Variants in COL6A3 observed in about 807,000 individuals in gnomAD.
The protein encoded by COL6A3 is collagen alpha-3(VI) chain.
A neutral mutation model predicts 274.1 loss-of-function variants in COL6A3; 137 were observed. The observed-to-expected ratio is 0.50, with a 90% confidence interval of 0.44 to 0.58. The LOEUF is 0.58. Ranked by LOEUF, COL6A3 falls within the 20% of genes least tolerant of loss-of-function variation. COL6A3 has a pLI of 0.00. For missense variants in COL6A3, 3,950 were observed against 4,124.9 expected, an observed-to-expected ratio of 0.96 and a Z score of 1.16; for synonymous variants, 1,650 against 1,650.6, an observed-to-expected ratio of 1.00 and a Z score of 0.01.
At position 237,368,273 on chromosome 2, in the gene COL6A3, T is replaced by G. The variant is rs1340659752; in HGVS notation, c.4900+290A>C. 1.3e-5 allele frequency among the ~76,000 whole-genome samples: 2 copies of G among 152,154 alleles called. No homozygotes were observed. The highest frequency in any genetic ancestry group is 2.9e-5 in the Non-Finnish European group (2 of 68,038). ...TTCAGTGGGGCATGGACTGGCTGATTTCAAAGATGCCATCCTATTCTGAGA... is the reference window on the plus strand; with the variant it reads ...TTCAGTGGGGCATGGACTGGCTGATGTCAAAGATGCCATCCTATTCTGAGA... On this transcript the variant is annotated intron_variant, in intron 10 of 43. Transcript: ENST00000295550. The surrounding 1 kb of genome is among the most constrained non-coding windows in gnomAD (Gnocchi z 4.4).
chr2:237,403,613 C>G (rs1296221527), intron 1 of COL6A3, among the ~76,000 whole-genome samples: 3 of 152,114 alleles, frequency 2.0e-5, no homozygotes, highest in African/African-American at 4.8e-5. Context: ...ATTGCAAAAG[C>G]TCAGCCCGAT....
chr2:237,343,983 G>A (rs568369861), intron 36 of COL6A3: 29 of 371,168 alleles, frequency 7.8e-5, no homozygotes, highest in African/African-American at 5.9e-4. Context: ...TGTGCACAGG[G>A]GGCCATCTTG....
intron 42 of COL6A3, 178 bp downstream of exon 42, chr2:237,333,272 C>T (rs1700357980): frequency 1.5e-6 from 1 of 667,930 alleles, no homozygotes; most frequent in African/African-American, 1.8e-5. Flanking sequence ...AAGTAAGACT[C>T]CATTTACACC....
Position 237,369,040 on chromosome 2 carries a change from C to A in COL6A3, c.4423G>T (p.Val1475Phe), listed in dbSNP as rs886042375. The A allele has an allele frequency of 1.2e-6, 2 of 1,614,230 alleles. No homozygotes were observed. The highest frequency in any genetic ancestry group is 2.2e-5 in the South Asian group (2 of 91,088). ...RLNIGPSKVRVGVVQFSNDVF... is the reference protein window; with the variant it reads ...RLNIGPSKVRFGVVQFSNDVF... ...TCATTGCTGAACTGCACGACCCCAA[C>A]TCTCACTTTACTGGGGCCGATGTTG... Residue 1475 changes from valine to phenylalanine, a missense_variant, in exon 10 of 44, where the codon GTT becomes TTT. By Grantham distance (50) the Val-to-Phe change is conservative (BLOSUM62 -1). Around this residue, in one of 5 missense-constraint regions of COL6A3, gnomAD observed 1,934 missense variants for 1,984.3 expected, o/e 0.97. Coordinates refer to ENST00000295550, the MANE Select transcript of COL6A3 (RefSeq NM_004369.4).
chr2:237,347,699 C>A, intron 31 of COL6A3, 108 bp downstream of exon 31: 4 of 1,150,680 alleles, frequency 3.5e-6, no homozygotes, highest in African/African-American at 1.5e-5. Flanking sequence ...CCTGTGCTAT[C>A]CCTGGCCAGG....
intron 38 of COL6A3, 152 bp from the exon 39 acceptor site, chr2:237,339,269 A>AT: frequency 1.5e-6 from 1 of 659,780 alleles, no homozygotes; most frequent in Non-Finnish European, 2.7e-6. Flanking sequence ...ATGTCCAGTG[A>AT]TTTTAAACAT....
In COL6A3 at chr2:237,368,267, G is replaced by A. The variant is rs1031591007; in HGVS notation, c.4900+296C>T. Among the ~76,000 whole-genome samples the A allele has an allele frequency of 6.6e-6, 1 of 152,200 alleles. No individual in the cohort carries two copies. Among genetic ancestry groups the A allele is most frequent in the Admixed American group, 6.5e-5 (1 of 15,282 alleles). ...GTCACATTCAGTGGGGCATGGACTG[G>A]CTGATTTCAAAGATGCCATCCTATT... On this transcript the variant is annotated intron_variant, in intron 10 of 43. Transcript: ENST00000295550. This position sits in a 1 kb window ranked among gnomAD's most constrained non-coding sequence, Gnocchi z 4.4.
intron 1 of COL6A3, among the ~76,000 whole-genome samples, chr2:237,409,730 C>G (rs2106407703): frequency 6.6e-6 from 1 of 152,162 alleles, no homozygotes; most frequent in African/African-American, 2.4e-5. Context: ...ACCCATTGTC[C>G]ATTATTAGGG....
chr2:237,398,200 T>A (rs1309055074), intron 1 of COL6A3, among the ~76,000 whole-genome samples: 2 of 152,180 alleles, frequency 1.3e-5, no homozygotes, highest in Non-Finnish European at 2.9e-5. Context: ...CAACCTCCAA[T>A]CTCACAGTGG....
At chr2:237,342,399 T>A in intron 36 of COL6A3, 1 of 547,792 alleles carries the variant, frequency 1.8e-6, no homozygotes. Flanking sequence ...GGGTTTCAGT[T>A]TTTTTCAGCT....
rs149890179 is a variant in COL6A3, at chr2:237,340,609, G to A, written c.8307C>T (p.Phe2769=). 3.0e-5 allele frequency: 49 copies of A among 1,614,070 alleles called. No individual in the cohort carries two copies. In the African/African-American group the frequency reaches 4.9e-4, roughly 16 times the overall value. Residue 2769 remains phenylalanine, a synonymous_variant, in exon 38 of 44, where the codon TTC becomes TTT. Transcript: ENST00000295550. ...CCTTCCTGCCAATGCCCAGGACCAC[G>A]AAGAAGTAGCCCTTGCATTTGGCCT... The part of the protein sequence containing the change: ...ILQAKCKGYF[F]VVLGIGRKVN...
At chr2:237,380,860 A>T in intron 5 of COL6A3, 55 bp downstream of exon 5, 1 of 1,523,684 alleles carries the variant, frequency 6.6e-7, no homozygotes, top group Non-Finnish European at 9.1e-7. Flanking sequence ...TTTTGTTCTT[A>T]AAGGCCCTGC....
rs745877985 is a variant in COL6A3, at chr2:237,351,180, C to T, written c.6766G>A (p.Ala2256Thr). 14 of 1,614,112 alleles carry T rather than the reference C, an allele frequency of 8.7e-6. No homozygotes were observed. The highest frequency in any genetic ancestry group is 1.6e-4 in the Middle Eastern group (1 of 6,084). Reference protein sequence around the residue: ...GISGPRGSGGAAGAPGERGRT... With the variant: ...GISGPRGSGGTAGAPGERGRT... ...CCTCGTTCTCCAGGAGCACCAGCGG[C>T]ACCTCCGCTTCCCTGGAGCAGGAGG... The change falls in exon 27 of 44, where the codon GCC (alanine) becomes ACC (threonine). Residue 2256 changes from alanine (A) to threonine (T), a missense_variant. Physicochemically the swap from Ala to Thr is moderately conservative, Grantham distance 58. Around this residue, in one of 5 missense-constraint regions of COL6A3, gnomAD observed 1,284 missense variants for 1,349.7 expected, o/e 0.95. Coordinates refer to ENST00000295550, the MANE Select transcript of COL6A3 (RefSeq NM_004369.4).
At chr2:237,349,727 T>C (rs956044381) in intron 28 of COL6A3, among the ~76,000 whole-genome samples, 1 of 152,250 alleles carries the variant, frequency 6.6e-6, no homozygotes, top group African/African-American at 2.4e-5. Context: ...TCCTAAGATG[T>C]CTCATTCAAA....
chr2:237,395,179 A>G lies in COL6A3; in HGVS notation c.117T>C (p.Asp39=), dbSNP rs1574757082. Residue 39 remains aspartate, a synonymous_variant, in exon 3 of 44, where the codon GAT becomes GAC. Coordinates refer to ENST00000295550, the MANE Select transcript of COL6A3 (RefSeq NM_004369.4). ...AAGAGGAATCCACTAGAAATATTAT[A>G]TCAGCAGCCGCACCATTTTTGACAT... The part of the protein sequence containing the change: ...QADVKNGAAA[D]IIFLVDSSWT... The G allele has an allele frequency of 1.2e-6, 2 of 1,613,450 alleles. No individual in the cohort carries two copies. Among genetic ancestry groups the G allele is most frequent in the East Asian group, 2.2e-5 (1 of 44,896 alleles).
At position 237,372,102 on chromosome 2, in the gene COL6A3, C is replaced by T. The variant is rs767221995; in HGVS notation, c.3915G>A (p.Lys1305=). 6.2e-7 allele frequency: 1 copy of T among 1,614,078 alleles called. No homozygotes were observed. The highest frequency in any genetic ancestry group is 1.1e-5 in the South Asian group (1 of 91,086). The change falls in exon 9 of 44, where the codon AAG becomes AAA. Residue 1305 remains lysine, a synonymous_variant. Transcript: ENST00000295550. ...TGCCCACGTTGATCTGCCGCCCTCC[C>T]TTGGGCCTCAGCCGCTGCACCGCGT... The part of the protein sequence containing the change: ...VQNAVQRLRP[K]GGRQINVGNA...
intron 28 of COL6A3, among the ~76,000 whole-genome samples, chr2:237,349,835 G>A (rs1476754993): frequency 1.3e-5 from 2 of 152,108 alleles, no homozygotes; most frequent in Non-Finnish European, 2.9e-5. Flanking sequence ...ATCTAGTTAT[G>A]CTTGCAAAGC....
At chr2:237,398,230 A>C (rs928057948) in intron 1 of COL6A3, among the ~76,000 whole-genome samples, 3 of 152,228 alleles carry the variant, frequency 2.0e-5, no homozygotes, top group Non-Finnish European at 2.9e-5. Context: ...GGGGTGATTT[A>C]ATTAGTAAGA....
intron 14 of COL6A3, among the ~76,000 whole-genome samples, chr2:237,362,461 G>A (rs182919395): frequency 5.3e-5 from 8 of 152,318 alleles, no homozygotes; most frequent in South Asian, 2.1e-4. Context: ...ATTTCCATCT[G>A]CTAAACTAAT....
Sources: allele counts gnomAD v4.1 joint callset (sites outside exome capture counted in the v4.1 genomes callset), GRCh38; gene constraint gnomAD v4.1.1; regional missense constraint gnomAD v4.1.1; non-coding constraint Gnocchi (gnomAD v3.1); transcripts MANE v1.5; gene names NCBI Gene and HGNC (gene_info 2026-07-23, HGNC 2026-07-21).